MTCL1: variants seen among roughly 807,000 people sequenced by gnomAD.
MTCL1 encodes microtubule crosslinking factor 1, also known as microtubule cross-linking factor 1.
In MTCL1, 79 loss-of-function variants were observed where a neutral mutation model predicts 141.4. The observed-to-expected ratio is 0.56, with a 90% CI of 0.47 to 0.67. The LOEUF is 0.67. Among genes scored for constraint, MTCL1 ranks in the 30% least tolerant of loss-of-function variants. MTCL1 has a pLI of 0.00. For missense variants in MTCL1, 2,177 were observed against 2,113.9 expected, an observed-to-expected ratio of 1.03 and a Z score of -0.59; for synonymous variants, 914 against 875.8, an observed-to-expected ratio of 1.04 and a Z score of -0.77.
chr18:8,790,964 G>A (rs920524181), intron 7 of MTCL1, among the ~76,000 whole-genome samples: 2 of 152,164 alleles, frequency 1.3e-5, no homozygotes, highest in Non-Finnish European at 2.9e-5. Context: ...GCAGTGAGCC[G>A]ACGTCACGCC....
In MTCL1 at chr18:8,805,118, T is replaced by C. The variant is rs187962217; in HGVS notation, c.2437-1775T>C. On this transcript the variant is annotated intron_variant, in intron 10 of 16. Coordinates refer to ENST00000359865, the Ensembl canonical transcript of MTCL1. Reference sequence around the variant, plus strand: ...TTATTTTTGAATATATATATATATATAGAATTTTAGGTTCAGGGGGTACAT... The same window carrying C: ...TTATTTTTGAATATATATATATATACAGAATTTTAGGTTCAGGGGGTACAT... 5.4e-4 allele frequency among the ~76,000 whole-genome samples: 81 copies of C among 151,068 alleles called. 2 individuals carry two copies. Among genetic ancestry groups the C allele is most frequent in the African/African-American group, 1.9e-3 (80 of 41,098 alleles).
At chr18:8,808,814 CA>C (rs1035458693) in intron 11 of MTCL1, among the ~76,000 whole-genome samples, 2 of 152,210 alleles carry the variant, frequency 1.3e-5, no homozygotes, top group African/African-American at 4.8e-5. Flanking sequence ...AAGGGGTTCT[CA>C]GTGCAGTGGG....
chr18:8,725,530 A>T (rs1248863142), intron 4 of MTCL1, among the ~76,000 whole-genome samples: 1 of 152,224 alleles, frequency 6.6e-6, no homozygotes, highest in African/African-American at 2.4e-5. Flanking sequence ...GTAATGCTTA[A>T]CTTTGTCATT....
At chr18:8,723,253 A>T (rs572285666) in intron 4 of MTCL1, among the ~76,000 whole-genome samples, 1 of 152,346 alleles carries the variant, frequency 6.6e-6, no homozygotes, top group South Asian at 2.1e-4. Context: ...TACAAGGTTC[A>T]AAGGTGGTGG....
chr18:8,780,748 T>A (rs1426604700), intron 5 of MTCL1, among the ~76,000 whole-genome samples: 1 of 152,220 alleles, frequency 6.6e-6, no homozygotes, highest in African/African-American at 2.4e-5. Context: ...AATCTGTGTT[T>A]AACAAAAATT....
chr18:8,826,278 C>T, intron 15 of MTCL1, 46 bp downstream of exon 14: 1 of 1,459,756 alleles, frequency 6.9e-7, no homozygotes, highest in Non-Finnish European at 9.2e-7. Flanking sequence ...CAGCTCTTCC[C>T]TTTAGCTGTG....
At chr18:8,776,742 T>C (rs908486012) in intron 4 of MTCL1, among the ~76,000 whole-genome samples, 1 of 150,080 alleles carries the variant, frequency 6.7e-6, no homozygotes, top group Admixed American at 6.6e-5. Flanking sequence ...TATTTATTTA[T>C]TTATTTATTT....
chr18:8,739,683 A>G (rs571496908), intron 4 of MTCL1, among the ~76,000 whole-genome samples: 1 of 152,214 alleles, frequency 6.6e-6, no homozygotes, highest in African/African-American at 2.4e-5. Flanking sequence ...TGATACCAAG[A>G]GGGCTGCCAC....
At chr18:8,785,588 A>T in intron 6 of MTCL1, 1 of 261,540 alleles carries the variant, frequency 3.8e-6, no homozygotes, top group Non-Finnish European at 7.3e-6. Context: ...CGTTTCCTTC[A>T]CGGGTAGCGT....
exon 6 of MTCL1, chr18:8,784,451 G>T (rs1426176753): frequency 6.5e-7 from 1 of 1,536,256 alleles, no homozygotes; most frequent in Non-Finnish European, 8.8e-7. Flanking sequence ...GCTCCTGAAG[G>T]CCCGGGAGGA....
At chr18:8,773,852 C>G (rs944204904) in intron 4 of MTCL1, among the ~76,000 whole-genome samples, 2 of 152,078 alleles carry the variant, frequency 1.3e-5, no homozygotes, top group Admixed American at 1.3e-4. Flanking sequence ...TATTTCTGAG[C>G]CTTCTATTTA....
chr18:8,720,291 C>A, intron 3 of MTCL1, 47 bp from the exon 3 acceptor site: 1 of 1,600,678 alleles, frequency 6.2e-7, no homozygotes, highest in Admixed American at 1.7e-5. Flanking sequence ...ACCCTTAGCA[C>A]ACAAAAAGCC....
chr18:8,825,252 G>C, exon 15 of MTCL1: 1 of 1,590,954 alleles, frequency 6.3e-7, no homozygotes, highest in Non-Finnish European at 8.6e-7. Context: ...GCACTCCCGG[G>C]ACTATGTGGA....
At chr18:8,789,065 G>A (rs751633101) in intron 7 of MTCL1, among the ~76,000 whole-genome samples, 1 of 152,194 alleles carries the variant, frequency 6.6e-6, no homozygotes, top group Non-Finnish European at 1.5e-5. Flanking sequence ...ACGGACGCTG[G>A]TCAGATTTCA....
intron 4 of MTCL1, among the ~76,000 whole-genome samples, 177 bp downstream of exon 3, chr18:8,720,673 C>T (rs573478695): frequency 6.6e-6 from 1 of 152,246 alleles, no homozygotes; most frequent in South Asian, 2.1e-4. Context: ...AACAAACAAG[C>T]AAACAAGCAA....
chr18:8,821,185 G>C (rs968694960), intron 13 of MTCL1, among the ~76,000 whole-genome samples: 22 of 152,188 alleles, frequency 1.4e-4, no homozygotes, highest in African/African-American at 5.3e-4. Context: ...GCACAGAAGA[G>C]CCACCTCCTC....
chr18:8,796,039 C>T (rs1053727709), intron 8 of MTCL1, among the ~76,000 whole-genome samples, 193 bp from the exon 8 acceptor site: 5 of 152,162 alleles, frequency 3.3e-5, no homozygotes, highest in Non-Finnish European at 7.3e-5. Context: ...GATTCTGAAT[C>T]GCAATACTCA....
intron 4 of MTCL1, among the ~76,000 whole-genome samples, chr18:8,756,499 A>ATG (rs1306554338): frequency 3.6e-4 from 54 of 149,634 alleles, no homozygotes; most frequent in African/African-American, 1.3e-3. Flanking sequence ...ATATGTATAT[A>ATG]TGTGTGTATA....
chr18:8,825,362 G>C, exon 15 of MTCL1: 1 of 1,538,964 alleles, frequency 6.5e-7, no homozygotes, highest in African/African-American at 1.4e-5. Context: ...GTGATGACAT[G>C]AAGGAGGTGG....
Sources: gnomAD v4.1 joint callset for allele counts (sites outside exome capture counted in the v4.1 genomes callset) on GRCh38, gnomAD v4.1.1 for gene constraint, MANE v1.5 for transcripts, NCBI Gene and HGNC (gene_info 2026-07-23, HGNC 2026-07-21) for gene names.